The following MCC variants were observed in gnomAD, a reference collection of about 807,000 sequenced individuals.
MCC encodes colorectal mutant cancer protein.
Under a neutral mutation model 116.2 loss-of-function variants are expected in MCC, and 90 were observed. That is an observed-to-expected ratio of 0.77 (90% CI 0.65 to 0.92). The LOEUF is 0.92. Among genes scored for constraint, MCC ranks in the 40% least tolerant of loss-of-function variants. The pLI is 0.00. For missense variants in MCC, 1,516 were observed against 1,312.2 expected (o/e 1.16, Z -2.40); for synonymous variants, 578 against 510.5 (o/e 1.13, Z -1.78).
At chr5:113,144,673 A>G (rs1407192693) in intron 4 of MCC, among the ~76,000 whole-genome samples, 3 of 152,228 alleles carry the variant, frequency 2.0e-5, no homozygotes, top group Admixed American at 1.3e-4. Context: ...TCTGGTATCA[A>G]TCATGGTAGG....
At chr5:113,475,478 A>C (rs535653253) in intron 1 of MCC, among the ~76,000 whole-genome samples, 9 of 152,324 alleles carry the variant, frequency 5.9e-5, no homozygotes, top group African/African-American at 1.7e-4. Context: ...CATCAGTTAG[A>C]GTCATCGATA....
chr5:113,412,525 T>C (rs1055061074), intron 1 of MCC, among the ~76,000 whole-genome samples: 8 of 152,226 alleles, frequency 5.3e-5, no homozygotes, highest in Non-Finnish European at 1.2e-4. Flanking sequence ...TTTATTCCCT[T>C]TGTAGCAATT....
chr5:113,090,205 AG>A (rs1755504685), intron 8 of MCC, among the ~76,000 whole-genome samples: 1 of 152,080 alleles, frequency 6.6e-6, no homozygotes, highest in South Asian at 2.1e-4. Flanking sequence ...AGAAAAGGAA[AG>A]GAGGTGAGGA....
At chr5:113,214,952 C>A (rs1477408299) in intron 3 of MCC, among the ~76,000 whole-genome samples, 1 of 152,208 alleles carries the variant, frequency 6.6e-6, no homozygotes, top group Non-Finnish European at 1.5e-5. Flanking sequence ...GAGGCTGAAC[C>A]TCCAAATCCC....
intron 3 of MCC, among the ~76,000 whole-genome samples, chr5:113,167,232 C>T (rs1445855589): frequency 6.6e-6 from 1 of 152,256 alleles, no homozygotes; most frequent in Non-Finnish European, 1.5e-5. Context: ...GTGGTTATTC[C>T]AAAGGAAGCA....
intron 3 of MCC, among the ~76,000 whole-genome samples, chr5:113,245,176 C>G (rs1175466671): frequency 1.3e-5 from 2 of 151,660 alleles, no homozygotes; most frequent in Non-Finnish European, 2.9e-5. Flanking sequence ...GTAATCCCAG[C>G]TATTCACCAG....
intron 5 of MCC, among the ~76,000 whole-genome samples, chr5:113,132,453 C>CATATATATATATATATATATATATATAT (rs1561385323): frequency 7.8e-6 from 1 of 128,360 alleles, no homozygotes; most frequent in African/African-American, 3.4e-5. Flanking sequence ...TACACACACA[C>CATATATATATATATATATATATATATAT]ACACACACAC....
intron 3 of MCC, among the ~76,000 whole-genome samples, chr5:113,316,492 A>G (rs751317853): frequency 2.6e-5 from 4 of 152,202 alleles, no homozygotes; most frequent in Non-Finnish European, 4.4e-5. Flanking sequence ...AGGATTGAAT[A>G]TTCTCCTAGA....
intron 2 of MCC, among the ~76,000 whole-genome samples, chr5:113,369,730 C>T (rs927590545): frequency 3.3e-5 from 5 of 152,160 alleles, no homozygotes; most frequent in Admixed American, 2.0e-4. Context: ...ATTTAGGAAA[C>T]GCTGATCTAT....
chr5:113,333,647 T>A lies in MCC; in HGVS notation c.627+6872A>T, dbSNP rs186291235. On this transcript the variant is annotated intron_variant, in intron 3 of 18. Coordinates refer to ENST00000408903, the MANE Select transcript of MCC (RefSeq NM_001085377.2). Reference sequence around the variant, plus strand: ...ACAGACATTACCATCTTCATCTGCATAGAAATGAGTCTGACTGTGTTTACA... The same window carrying A: ...ACAGACATTACCATCTTCATCTGCAAAGAAATGAGTCTGACTGTGTTTACA... Among the ~76,000 whole-genome samples, 187 of 150,484 alleles carry A rather than the reference T, an allele frequency of 1.2e-3. 10 individuals are homozygous for A. Among genetic ancestry groups the A allele is most frequent in the African/African-American group, 3.7e-3 (150 of 40,276 alleles).
intron 8 of MCC, among the ~76,000 whole-genome samples, chr5:113,092,826 T>C (rs1463440218): frequency 1.3e-5 from 2 of 152,198 alleles, no homozygotes; most frequent in African/African-American, 4.8e-5. Flanking sequence ...ATACACACTC[T>C]GAGACTCAGC....
intron 1 of MCC, among the ~76,000 whole-genome samples, chr5:113,391,097 A>G (rs952929449): frequency 2.0e-5 from 3 of 152,244 alleles, no homozygotes; most frequent in African/African-American, 4.8e-5. Flanking sequence ...TTCTTACGAA[A>G]TAAGTAGAGT....
chr5:113,080,464 T>C (rs1754773350), intron 11 of MCC, among the ~76,000 whole-genome samples: 1 of 152,234 alleles, frequency 6.6e-6, no homozygotes, highest in Non-Finnish European at 1.5e-5. Context: ...CATGGAATAC[T>C]ACTCAGCCAT....
At chr5:113,486,796 C>G (rs563462363) in intron 1 of MCC, among the ~76,000 whole-genome samples, 3 of 150,944 alleles carry the variant, frequency 2.0e-5, no homozygotes, top group Admixed American at 6.6e-5. Flanking sequence ...GAGCCAAGAC[C>G]ACGCCACTGT....
intron 5 of MCC, among the ~76,000 whole-genome samples, chr5:113,130,060 G>C (rs111513538): frequency 0.067 from 10,139 of 152,120 alleles, 591 homozygotes; most frequent in African/African-American, 0.15. Flanking sequence ...GCACTATTCA[G>C]AATAGCAAAC....
rs894555243 is a variant in MCC, at chr5:113,292,093, G to A, written c.627+48426C>T. On this transcript the variant is annotated intron_variant, in intron 3 of 18. Transcript: ENST00000408903. ...AAAAATATAAAAAAATTAGCTGGGC[G>A]TAGTGGCACATGCCTGTAATTCCAG... 7.2e-5 allele frequency among the ~76,000 whole-genome samples: 11 copies of A among 152,098 alleles called. No individual in the cohort carries two copies. In the South Asian group the frequency reaches 1.0e-3, roughly 14 times the overall value.
At chr5:113,056,947 G>A (rs903754955) in intron 14 of MCC, among the ~76,000 whole-genome samples, 2 of 152,158 alleles carry the variant, frequency 1.3e-5, no homozygotes, top group African/African-American at 4.8e-5. Context: ...GGGAAGAGGC[G>A]TGGGGAATGC....
chr5:113,444,072 T>A (rs1483557578), intron 1 of MCC, among the ~76,000 whole-genome samples: 1 of 151,882 alleles, frequency 6.6e-6, no homozygotes, highest in East Asian at 1.9e-4. Context: ...CTCGAACTCC[T>A]GACCTCACGT....
intron 3 of MCC, among the ~76,000 whole-genome samples, chr5:113,327,777 T>A (rs1211344778): frequency 6.7e-6 from 1 of 149,026 alleles, no homozygotes; most frequent in East Asian, 2.0e-4. Context: ...AATTATTAGG[T>A]TGGTGCAAAA....
Sources: allele counts gnomAD v4.1 joint callset (sites outside exome capture counted in the v4.1 genomes callset), GRCh38; gene constraint gnomAD v4.1.1; transcripts MANE v1.5; gene names NCBI Gene and HGNC (gene_info 2026-07-23, HGNC 2026-07-21).